VDAC1: variants seen among roughly 807,000 people sequenced by gnomAD.
VDAC1 encodes the protein non-selective voltage-gated ion channel VDAC1.
In VDAC1, 10 loss-of-function variants were observed where a neutral mutation model predicts 34.7. The ratio of observed to expected loss-of-function variants is 0.29; its 90% CI spans 0.18 to 0.49. VDAC1 has a LOEUF of 0.49. VDAC1 is among the 20% of genes least tolerant of loss of function. The pLI is 0.99. For missense variants in VDAC1, 230 were observed against 347.9 expected, an observed-to-expected ratio of 0.66 and a Z score of 2.69; for synonymous variants, 130 against 136.0, an observed-to-expected ratio of 0.96 and a Z score of 0.30.
chr5:133,980,022 A>C (rs1251439285), intron 6 of VDAC1, among the ~76,000 whole-genome samples: 1 of 152,232 alleles, frequency 6.6e-6, no homozygotes, highest in Non-Finnish European at 1.5e-5. Context: ...CCTTAAGTTT[A>C]AGAAGTTACT....
chr5:134,094,821 C>G, the VDAC1 span, among the ~76,000 whole-genome samples: 1 of 152,170 alleles, frequency 6.6e-6, no homozygotes, highest in African/African-American at 2.4e-5. Context: ...GGCCCCACAG[C>G]TGCCATGTCC....
chr5:134,098,265 G>A, the VDAC1 span, among the ~76,000 whole-genome samples: 1 of 151,404 alleles, frequency 6.6e-6, no homozygotes, highest in Non-Finnish European at 1.5e-5. Flanking sequence ...CACGATGTCA[G>A]CTCATTGCAA....
At chr5:134,051,668 GT>G in the VDAC1 span, among the ~76,000 whole-genome samples, 7,517 of 141,324 alleles carry the variant, frequency 0.053, 276 homozygotes, top group African/African-American at 0.12. Context: ...TGGGCAGTTT[GT>G]TTTTTTTTTT....
chr5:134,031,753 C>G, the VDAC1 span, among the ~76,000 whole-genome samples: 1 of 151,908 alleles, frequency 6.6e-6, no homozygotes, highest in Non-Finnish European at 1.5e-5. Flanking sequence ...GAGTTTCAGA[C>G]CAGCCTGGCC....
chr5:134,060,414 C>A, the VDAC1 span, among the ~76,000 whole-genome samples: 3 of 152,042 alleles, frequency 2.0e-5, no homozygotes, highest in Non-Finnish European at 2.9e-5. Context: ...CATTAGGAAA[C>A]CAAAAAGCTT....
the VDAC1 span, among the ~76,000 whole-genome samples, chr5:134,010,603 C>T: frequency 0.02 from 3,106 of 151,940 alleles, 52 homozygotes; most frequent in Middle Eastern, 0.041. Flanking sequence ...TGTCTCAAAA[C>T]AACAACAACA....
the VDAC1 span, among the ~76,000 whole-genome samples, chr5:134,064,827 C>G: frequency 6.6e-6 from 1 of 151,846 alleles, no homozygotes; most frequent in East Asian, 1.9e-4. Flanking sequence ...AAGTGATCCT[C>G]CCACCTCAGC....
At chr5:133,975,814 C>T in intron 7 of VDAC1, 57 bp downstream of exon 7, 1 of 1,597,668 alleles carries the variant, frequency 6.3e-7, no homozygotes, top group Non-Finnish European at 8.5e-7. Context: ...CTGAAGGATT[C>T]CAACATAAAG....
In VDAC1 at chr5:133,992,439, C is replaced by G. The variant is rs1753139903; in HGVS notation, c.68-84G>C. 4 of 1,119,970 alleles carry G rather than the reference C, an allele frequency of 3.6e-6. No individual in the cohort carries two copies. In the South Asian group the frequency reaches 8.7e-5, roughly 24 times the overall value. 69.4% of individuals were successfully genotyped at this position (1,119,970 alleles called of 1,614,324 possible). ...CCTCCCTCATGGTTGCTTCAGGATGCTTTTTTAAAAAGAAGCACACTCCTG... is the reference window on the plus strand; with the variant it reads ...CCTCCCTCATGGTTGCTTCAGGATGGTTTTTTAAAAAGAAGCACACTCCTG... On this transcript the variant is annotated intron_variant, in intron 2 of 8. Transcript: ENST00000265333.
At chr5:134,084,641 G>C in the VDAC1 span, among the ~76,000 whole-genome samples, 1 of 152,246 alleles carries the variant, frequency 6.6e-6, no homozygotes, top group East Asian at 1.9e-4. Flanking sequence ...CTGTGCCTCA[G>C]TTTCCCCATC....
At chr5:134,005,133 T>A (rs971801221), upstream of VDAC1, 3 of 152,046 alleles carry the variant, frequency 2.0e-5, no homozygotes, top group African/African-American at 7.2e-5. Flanking sequence ...CCTGCGCTAA[T>A]GGAAGACGCG....
chr5:133,991,603 C>T (rs189583748), intron 3 of VDAC1, among the ~76,000 whole-genome samples: 1 of 152,270 alleles, frequency 6.6e-6, no homozygotes. Flanking sequence ...AAATAAGAAG[C>T]ACAAGGAAAA....
intron 6 of VDAC1, chr5:133,976,266 G>A: frequency 2.4e-6 from 1 of 416,844 alleles, no homozygotes; most frequent in South Asian, 2.9e-5. Flanking sequence ...AGCACTTTGG[G>A]AGGCCGAGAT....
upstream of VDAC1, among the ~76,000 whole-genome samples, chr5:134,007,768 A>T (rs916730809): frequency 7.2e-5 from 11 of 152,182 alleles, no homozygotes; most frequent in Non-Finnish European, 1.5e-5. Context: ...CACAGAACAG[A>T]GAATGGAGCA....
the VDAC1 span, among the ~76,000 whole-genome samples, chr5:134,105,171 AG>A: frequency 1.3e-5 from 2 of 152,198 alleles, no homozygotes; most frequent in African/African-American, 4.8e-5. Context: ...GAAGCTCTGC[AG>A]CCCCAGGCTC....
At chr5:134,015,589 T>A in the VDAC1 span, among the ~76,000 whole-genome samples, 1 of 152,122 alleles carries the variant, frequency 6.6e-6, no homozygotes, top group Non-Finnish European at 1.5e-5. Context: ...TAATCCCAGC[T>A]ATTCGGGGGG....
At chr5:134,102,817 G>A in the VDAC1 span, among the ~76,000 whole-genome samples, 8 of 152,124 alleles carry the variant, frequency 5.3e-5, no homozygotes, top group Non-Finnish European at 1.2e-4. Flanking sequence ...GGGCTATAGG[G>A]CAGAGGAGGG....
chr5:134,113,257 C>T, the VDAC1 span, among the ~76,000 whole-genome samples: 2 of 152,234 alleles, frequency 1.3e-5, no homozygotes, highest in Non-Finnish European at 2.9e-5. Context: ...CATGCCACCC[C>T]CCAGCCCCAG....
At chr5:133,996,064 G>A (rs1175510381) in intron 1 of VDAC1, among the ~76,000 whole-genome samples, 1 of 152,226 alleles carries the variant, frequency 6.6e-6, no homozygotes, top group Non-Finnish European at 1.5e-5. Flanking sequence ...CATGAAGCAG[G>A]GCAGTCTGGC....
Sources: allele counts gnomAD v4.1 joint callset (sites outside exome capture counted in the v4.1 genomes callset), GRCh38; gene constraint gnomAD v4.1.1; transcripts MANE v1.5; gene names NCBI Gene and HGNC (gene_info 2026-07-23, HGNC 2026-07-21).